The following SERPINB8 variants were observed in gnomAD, a reference collection of about 807,000 sequenced individuals.
SERPINB8 encodes serpin B8.
SERPINB8 carries 25 observed loss-of-function variants against 35.3 expected under a neutral mutation model. That is an observed-to-expected ratio of 0.71 (90% CI 0.52 to 0.99). The LOEUF is 0.99. SERPINB8 is among the 50% of genes least tolerant of loss of function. SERPINB8 has a pLI of 0.00. For missense variants in SERPINB8, 484 were observed against 446.5 expected (o/e 1.08, Z -0.76); for synonymous variants, 186 against 160.8 (o/e 1.16, Z -1.19).
At chr18:64,013,669 A>G (rs1476829596) in intron 7 of SERPINB8, among the ~76,000 whole-genome samples, 3 of 152,260 alleles carry the variant, frequency 2.0e-5, no homozygotes, top group Non-Finnish European at 4.4e-5. Flanking sequence ...TGCCATGAAA[A>G]GGTAACCTGG....
In SERPINB8 at chr18:64,015,992, T is replaced by C. The variant is rs151170101; in HGVS notation, c.*3-2918T>C. 7.0e-3 allele frequency among the ~76,000 whole-genome samples: 1,070 copies of C among 152,344 alleles called. 18 individuals are homozygous for C. Among genetic ancestry groups the C allele is most frequent in the African/African-American group, 0.025 (1,041 of 41,576 alleles). ...CTGCCACAGGGCTCAGTGGCTCAAG[T>C]TGCTTTGCTGCTACTGTATGTTAGA... On this transcript the variant is annotated intron_variant, in intron 7 of 7. Transcript: ENST00000636430.
downstream of SERPINB8, among the ~76,000 whole-genome samples, chr18:63,992,984 C>G (rs1480930394): frequency 2.0e-5 from 3 of 152,214 alleles, no homozygotes; most frequent in African/African-American, 7.2e-5. Flanking sequence ...TGACCCTCAG[C>G]AAACCTCTTG....
chr18:64,008,139 G>A (rs1000717510), downstream of SERPINB8, among the ~76,000 whole-genome samples: 2 of 152,134 alleles, frequency 1.3e-5, no homozygotes, highest in Non-Finnish European at 2.9e-5. Flanking sequence ...CAAAATGAAA[G>A]AATTGCTCAA....
chr18:64,013,208 G>T (rs2050933897), intron 7 of SERPINB8, among the ~76,000 whole-genome samples: 1 of 151,656 alleles, frequency 6.6e-6, no homozygotes, highest in Non-Finnish European at 1.5e-5. Flanking sequence ...AGTGTCCACT[G>T]GCTCATGAGC....
rs1043612627 is a variant in SERPINB8, at chr18:63,987,304, T to A, written c.*26T>A. 1 of 1,576,302 alleles carries A rather than the reference T, an allele frequency of 6.3e-7. No individual in the cohort carries two copies. Among genetic ancestry groups the A allele is most frequent in the African/African-American group, 1.4e-5 (1 of 73,792 alleles). The stretch of plus-strand genomic sequence containing the variant: ...AGAGGAGCAATTGCTGTACATACCC[T>A]CCTTTCCTTCTACCTATCTTGCCTT... On this transcript the variant is annotated 3_prime_UTR_variant, in exon 7 of 7. Transcript: ENST00000397985.
At chr18:63,981,015 A>G (rs1161020125) in intron 3 of SERPINB8, among the ~76,000 whole-genome samples, 4 of 152,124 alleles carry the variant, frequency 2.6e-5, no homozygotes, top group African/African-American at 9.7e-5. Context: ...GATACACACA[A>G]ACACACATAC....
rs533120620 is a variant in SERPINB8, at chr18:64,016,635, G to A, written c.*3-2275G>A. Among the ~76,000 whole-genome samples, 21 of 152,212 alleles carry A rather than the reference G, an allele frequency of 1.4e-4. No individual in the cohort carries two copies. In the East Asian group the frequency reaches 1.7e-3, roughly 13 times the overall value. On this transcript the variant is annotated intron_variant, in intron 7 of 7. Transcript: ENST00000636430. Reference sequence around the variant, plus strand: ...AATGCCTCCCTTATTTTATGGAATCGAAACTCAGAGAGTTTATATGGCTTG... The same window carrying A: ...AATGCCTCCCTTATTTTATGGAATCAAAACTCAGAGAGTTTATATGGCTTG...
Position 63,989,265 on chromosome 18 carries a change from A to C in SERPINB8, c.*1987A>C, listed in dbSNP as rs1023106322. ...ATTGGTAAGTAACATTTTTTTGTAT[A>C]GGTATACCATGATTTGTTGATGAAC... On this transcript the variant is annotated 3_prime_UTR_variant, in exon 7 of 7. Transcript: ENST00000397985. 6.6e-6 allele frequency: 1 copy of C among 152,238 alleles called. No individual in the cohort carries two copies. Among genetic ancestry groups the C allele is most frequent in the Non-Finnish European group, 1.5e-5 (1 of 68,032 alleles). The allele number at this position is 152,238 out of a possible 1,614,324, so 9.4% of individuals were successfully genotyped here.
intron 1 of SERPINB8, among the ~76,000 whole-genome samples, chr18:63,996,035 G>A (rs1418634191): frequency 2.0e-5 from 3 of 152,184 alleles, no homozygotes; most frequent in African/African-American, 7.2e-5. Flanking sequence ...GTTTCTCATT[G>A]TCCAGATGTG....
downstream of SERPINB8, among the ~76,000 whole-genome samples, chr18:64,007,061 A>T (rs2050903279): frequency 6.6e-6 from 1 of 152,152 alleles, no homozygotes. Context: ...TGAAAAAGTA[A>T]AATAACCTCC....
intron 1 of SERPINB8, among the ~76,000 whole-genome samples, chr18:64,003,337 G>C (rs535994813): frequency 6.6e-6 from 1 of 152,290 alleles, no homozygotes; most frequent in Middle Eastern, 3.4e-3. Flanking sequence ...AGGTGGGAAA[G>C]AGTGAAGTGG....
chr18:63,979,745 C>G, intron 2 of SERPINB8, 56 bp from the exon 3 acceptor site: 1 of 1,602,474 alleles, frequency 6.2e-7, no homozygotes. Flanking sequence ...TTGGAGAAAG[C>G]TCTTTGGGAG....
chr18:63,982,724 T>C (rs1430256672), intron 4 of SERPINB8, among the ~76,000 whole-genome samples: 2 of 152,150 alleles, frequency 1.3e-5, no homozygotes, highest in Non-Finnish European at 2.9e-5. Flanking sequence ...ACCTAGAAGT[T>C]TCTCCACACC....
At chr18:64,013,808 C>G (rs562558725) in intron 7 of SERPINB8, among the ~76,000 whole-genome samples, 1 of 152,202 alleles carries the variant, frequency 6.6e-6, no homozygotes, top group Admixed American at 6.5e-5. Context: ...GTGCAAAATC[C>G]TGATGGTGAA....
intron 7 of SERPINB8, among the ~76,000 whole-genome samples, chr18:64,013,099 T>C (rs2050933173): frequency 6.6e-6 from 1 of 152,128 alleles, no homozygotes; most frequent in Non-Finnish European, 1.5e-5. Flanking sequence ...TTTTTTTTTC[T>C]TTAGGGAGTA....
downstream of SERPINB8, among the ~76,000 whole-genome samples, chr18:63,990,079 T>C (rs1599159730): frequency 1.3e-5 from 2 of 149,022 alleles, no homozygotes; most frequent in South Asian, 4.2e-4. Flanking sequence ...GTGTTTTTTT[T>C]TTTTTTTTTC....
At chr18:63,997,390 A>G (rs939466443) in intron 1 of SERPINB8, among the ~76,000 whole-genome samples, 4 of 152,202 alleles carry the variant, frequency 2.6e-5, no homozygotes, top group African/African-American at 4.8e-5. Flanking sequence ...TGGGGCCTTC[A>G]ACTCAATGGC....
At chr18:64,007,592 G>T (rs1321955914), downstream of SERPINB8, among the ~76,000 whole-genome samples, 1 of 152,208 alleles carries the variant, frequency 6.6e-6, no homozygotes, top group East Asian at 1.9e-4. Flanking sequence ...TGGTTCTACA[G>T]GTTGTACAGG....
chr18:64,010,290 G>A (rs1161851564), downstream of SERPINB8, among the ~76,000 whole-genome samples: 2 of 152,110 alleles, frequency 1.3e-5, no homozygotes, highest in African/African-American at 4.8e-5. Flanking sequence ...ATCAATAACA[G>A]TCCTTGCACA....
Sources: allele counts gnomAD v4.1 joint callset (sites outside exome capture counted in the v4.1 genomes callset), GRCh38; gene constraint gnomAD v4.1.1; transcripts MANE v1.5; gene names NCBI Gene and HGNC (gene_info 2026-07-23, HGNC 2026-07-21).